ADGRE2: variants seen among roughly 807,000 people sequenced by gnomAD.
ADGRE2 encodes adhesion G protein-coupled receptor E2.
A neutral mutation model predicts 100.8 loss-of-function variants in ADGRE2; 83 were observed. That is an observed-to-expected ratio of 0.82 (90% CI 0.69 to 0.99). The LOEUF (loss-of-function observed/expected upper bound fraction) is 0.99, where lower values mean the gene tolerates loss of function less well. ADGRE2 is among the 50% of genes least tolerant of loss of function. The pLI, the probability that ADGRE2 is intolerant of heterozygous loss-of-function variation, is 0.00. For synonymous variants in ADGRE2, 355 were observed against 413.0 expected (o/e 0.86, Z 1.70); for missense variants, 814 against 1,035.7 (o/e 0.79, Z 2.94).
At position 14,768,912 on chromosome 19, in the gene ADGRE2, A is replaced by C. The variant is rs571615021; in HGVS notation, c.356-1803T>G. On this transcript the variant is annotated intron_variant, in intron 5 of 20. Transcript: ENST00000315576. ...TCTCCCTCCTCCTTCATTTCTGGAC[A>C]GGGTGCCTGGGTCCATGATGAGCTG... The C allele has an allele frequency of 1.2e-4, 19 of 152,466 alleles. No homozygotes were observed. In the East Asian group the frequency reaches 2.1e-3, roughly 17 times the overall value. The allele number at this position is 152,466 out of a possible 1,614,324, so 9.4% of individuals were successfully genotyped here. A position where few individuals can be genotyped will look rare whatever the true frequency, so the allele number is the denominator to read the frequency against.
At chr19:14,756,870 A>G (rs2043517586) in intron 11 of ADGRE2, among the ~76,000 whole-genome samples, 1 of 151,904 alleles carries the variant, frequency 6.6e-6, no homozygotes, top group Non-Finnish European at 1.5e-5. Flanking sequence ...TTAGGAATAC[A>G]TTTTACGAAG....
chr19:14,761,384 T>C (rs1189749553), intron 11 of ADGRE2, among the ~76,000 whole-genome samples: 1 of 152,138 alleles, frequency 6.6e-6, no homozygotes, highest in Non-Finnish European at 1.5e-5. Flanking sequence ...CCAGCCTGGT[T>C]GACAGAGCAA....
chr19:14,774,268 G>A lies in ADGRE2; in HGVS notation c.70C>T (p.Gln24Ter). The A allele has an allele frequency of 1.3e-6, 2 of 1,581,966 alleles. No individual in the cohort carries two copies. Among genetic ancestry groups the A allele is most frequent in the South Asian group, 2.3e-5 (2 of 88,430 alleles). ...CCAGCAGACTCACCCCTGGAGTCCT[G>A]GGTTTCAGCTCCCGGCAGAGTCAGC... is the stretch of plus-strand genomic sequence containing the variant. ...VWLTLPGAET[Q>*]DSRGCARWCP... Residue 24 changes from glutamine (Q) to a stop codon, truncating the protein, a stop_gained, in exon 3 of 21, where the codon CAG becomes TAG. Coordinates refer to ENST00000315576, the MANE Select transcript of ADGRE2 (RefSeq NM_013447.4). LOFTEE classifies it high-confidence loss of function.
chr19:14,738,968 TC>T (rs1413976490), intron 20 of ADGRE2, among the ~76,000 whole-genome samples: 1,410 of 108,350 alleles, frequency 0.013, 7 homozygotes, highest in East Asian at 0.054. Context: ...TCTTTTCTTT[TC>T]TTTTTTTTTT....
intron 1 of ADGRE2, 81 bp from the exon 2 acceptor site, chr19:14,777,008 A>ACC: frequency 7.4e-7 from 1 of 1,350,432 alleles, no homozygotes; most frequent in Non-Finnish European, 9.5e-7. Context: ...ACACACACAC[A>ACC]CACACACGTG....
At chr19:14,765,288 C>G in intron 10 of ADGRE2, 32 bp downstream of exon 10, 1 of 1,613,354 alleles carries the variant, frequency 6.2e-7, no homozygotes, top group African/African-American at 1.3e-5. Context: ...CACCTTCCTG[C>G]CTCGCCCCCT....
intron 4 of ADGRE2, among the ~76,000 whole-genome samples, chr19:14,773,655 A>G (rs67896865): frequency 0.38 from 58,183 of 151,484 alleles, 11,985 homozygotes; most frequent in African/African-American, 0.53. Flanking sequence ...GGGACTCCAG[A>G]TGTGTGCCAC....
chr19:14,739,160 G>A (rs919800255), intron 20 of ADGRE2, among the ~76,000 whole-genome samples: 1 of 151,842 alleles, frequency 6.6e-6, no homozygotes, highest in African/African-American at 2.4e-5. Context: ...AGTAGAGGTG[G>A]GGTCTTGCCA....
At chr19:14,727,018 A>G in the ADGRE2 span, among the ~76,000 whole-genome samples, 1 of 145,974 alleles carries the variant, frequency 6.9e-6, no homozygotes, top group Non-Finnish European at 1.5e-5. Flanking sequence ...TTATAAAGAA[A>G]AGAGGCTTTT....
At chr19:14,726,594 C>G in the ADGRE2 span, among the ~76,000 whole-genome samples, 1 of 152,170 alleles carries the variant, frequency 6.6e-6, no homozygotes, top group African/African-American at 2.4e-5. Flanking sequence ...AGCAGCCGTG[C>G]CTCTCCTTGA....
At chr19:14,748,324 T>TA (rs2043154529) in intron 16 of ADGRE2, among the ~76,000 whole-genome samples, 1 of 150,948 alleles carries the variant, frequency 6.6e-6, no homozygotes, top group South Asian at 2.1e-4. Context: ...TATTTTATTT[T>TA]TTTGAGATGG....
chr19:14,770,750 G>A (rs1212296581), intron 5 of ADGRE2, among the ~76,000 whole-genome samples: 1 of 131,214 alleles, frequency 7.6e-6, no homozygotes, highest in Non-Finnish European at 1.5e-5. Context: ...TGAGATCCTG[G>A]CTCACTGCAA....
At chr19:14,772,308 A>T (rs1394508147) in intron 5 of ADGRE2, 34 bp downstream of exon 5, 1 of 1,613,626 alleles carries the variant, frequency 6.2e-7, no homozygotes, top group Non-Finnish European at 8.5e-7. Context: ...AACCTCATGG[A>T]CAGTGGTGAT....
At chr19:14,738,906 C>G (rs2042838786) in intron 20 of ADGRE2, among the ~76,000 whole-genome samples, 1 of 151,620 alleles carries the variant, frequency 6.6e-6, no homozygotes, top group Admixed American at 6.6e-5. Flanking sequence ...AACAAGACTG[C>G]AGAAAGCCAT....
the ADGRE2 span, among the ~76,000 whole-genome samples, chr19:14,724,366 G>A: frequency 6.6e-6 from 1 of 152,190 alleles, no homozygotes; most frequent in Non-Finnish European, 1.5e-5. Context: ...GGGAGCACAT[G>A]GTTATAACAC....
intron 16 of ADGRE2, among the ~76,000 whole-genome samples, chr19:14,751,005 G>T (rs2043266747): frequency 6.6e-6 from 1 of 151,916 alleles, no homozygotes; most frequent in African/African-American, 2.4e-5. Context: ...TAAAGAAGGG[G>T]TCTTGCTGTG....
At chr19:14,744,629 A>C (rs2043031656) in intron 18 of ADGRE2, among the ~76,000 whole-genome samples, 1 of 151,356 alleles carries the variant, frequency 6.6e-6, no homozygotes, top group South Asian at 2.1e-4. Context: ...TAATTTTTGT[A>C]TTTTTAGTAG....
At chr19:14,751,802 T>G in intron 15 of ADGRE2, 131 bp from the exon 16 acceptor site, 1 of 674,520 alleles carries the variant, frequency 1.5e-6, no homozygotes, top group Non-Finnish European at 2.5e-6. Context: ...TGCTGTGTAG[T>G]TGAGTCAGGC....
In ADGRE2 at chr19:14,766,287, G is replaced by A; in HGVS notation, c.582C>T (p.Gly194=). The A allele has an allele frequency of 6.2e-7, 1 of 1,614,108 alleles. No individual in the cohort carries two copies. Among genetic ancestry groups the A allele is most frequent in the Non-Finnish European group, 8.5e-7 (1 of 1,180,024 alleles). The change falls in exon 7 of 21, where the codon GGC becomes GGT. Residue 194 remains glycine, a synonymous_variant. Coordinates refer to ENST00000315576, the MANE Select transcript of ADGRE2 (RefSeq NM_013447.4). Reference sequence around the variant, plus strand: ...TGGGGGACCCCGGAATCGGTTGCCAGCCCGGGCGGCAGCGGCACTGATAGC... The same window carrying A: ...TGGGGGACCCCGGAATCGGTTGCCAACCCGGGCGGCAGCGGCACTGATAGC... ...VGSYQCRCRP[G]WQPIPGSPNG...
Sources: allele counts gnomAD v4.1 joint callset (sites outside exome capture counted in the v4.1 genomes callset), GRCh38; gene constraint gnomAD v4.1.1; transcripts MANE v1.5; gene names NCBI Gene and HGNC (gene_info 2026-07-23, HGNC 2026-07-21).